Variants in RALGAPA2 observed in about 807,000 individuals in gnomAD.
RALGAPA2 encodes the protein Ral GTPase activating protein catalytic subunit alpha 2.
RALGAPA2 carries 139 observed loss-of-function variants against 230.4 expected under a neutral mutation model. The observed-to-expected ratio is 0.60, with a 90% CI of 0.53 to 0.69. The LOEUF (loss-of-function observed/expected upper bound fraction) is 0.69. Ranked by LOEUF, RALGAPA2 falls within the 30% of genes least tolerant of loss-of-function variation. The probability of loss-of-function intolerance (pLI) is 0.00; values close to 1 mark genes in which losing one functional copy is unlikely to be tolerated. For synonymous variants in RALGAPA2, 847 were observed against 837.8 expected, an observed-to-expected ratio of 1.01 and a Z score of -0.19; for missense variants, 2,163 against 2,276.0, an observed-to-expected ratio of 0.95 and a Z score of 1.01.
chr20:20,705,722 G>T (rs906519932), intron 1 of RALGAPA2, among the ~76,000 whole-genome samples: 1 of 152,116 alleles, frequency 6.6e-6, no homozygotes, highest in Non-Finnish European at 1.5e-5. Context: ...AGGCTGGAGT[G>T]CAGTGGTGCG....
intron 23 of RALGAPA2, among the ~76,000 whole-genome samples, chr20:20,554,416 T>C (rs182230711): frequency 4.6e-5 from 7 of 152,318 alleles, no homozygotes; most frequent in East Asian, 1.9e-4. Context: ...TTTTCATCAG[T>C]TGATGGGCAT....
In RALGAPA2 at chr20:20,650,478, G is replaced by C. The variant is rs546174409; in HGVS notation, c.328+3052C>G. ...TGCAGTGTGGGACAAGAAGCATACC[G>C]CATCAGTGGTGTATAACTACAACTT... On this transcript the variant is annotated intron_variant, in intron 4 of 39. Coordinates refer to ENST00000202677, the MANE Select transcript of RALGAPA2 (RefSeq NM_020343.4). Among the ~76,000 whole-genome samples, 5 of 152,262 alleles carry C rather than the reference G, an allele frequency of 3.3e-5. No homozygotes were observed. In the East Asian group the frequency reaches 9.6e-4, roughly 29 times the overall value.
At chr20:20,488,336 T>C (rs1365472773) in intron 36 of RALGAPA2, among the ~76,000 whole-genome samples, 1 of 152,192 alleles carries the variant, frequency 6.6e-6, no homozygotes, top group Non-Finnish European at 1.5e-5. Flanking sequence ...TGTGGAGGAT[T>C]GTCAGCCAGC....
intron 23 of RALGAPA2, among the ~76,000 whole-genome samples, chr20:20,568,709 C>T (rs1318092029): frequency 6.6e-6 from 1 of 152,150 alleles, no homozygotes; most frequent in Admixed American, 6.5e-5. Context: ...TAAGAAAGAA[C>T]TTCATGAAAC....
At chr20:20,413,057 C>T (rs557836165) in intron 37 of RALGAPA2, among the ~76,000 whole-genome samples, 1 of 152,322 alleles carries the variant, frequency 6.6e-6, no homozygotes, top group East Asian at 1.9e-4. Flanking sequence ...TTGGGGAAGT[C>T]CGCATGACGT....
At chr20:20,700,722 T>C (rs945162410) in intron 1 of RALGAPA2, among the ~76,000 whole-genome samples, 2 of 152,192 alleles carry the variant, frequency 1.3e-5, no homozygotes, top group Non-Finnish European at 2.9e-5. Context: ...TTCACAGAAA[T>C]AGTCCTTTCT....
intron 28 of RALGAPA2, among the ~76,000 whole-genome samples, chr20:20,525,468 G>A (rs1465321326): frequency 6.6e-6 from 1 of 152,212 alleles, no homozygotes; most frequent in African/African-American, 2.4e-5. Context: ...GTCTCTGAGA[G>A]AACAAAGTGT....
intron 19 of RALGAPA2, 104 bp from the exon 20 acceptor site, chr20:20,583,330 G>T: frequency 8.1e-7 from 1 of 1,238,474 alleles, no homozygotes; most frequent in Non-Finnish European, 1.1e-6. Flanking sequence ...AGACACAGTA[G>T]GAATCATTCA....
intron 37 of RALGAPA2, among the ~76,000 whole-genome samples, chr20:20,439,284 C>T (rs998799695): frequency 4.0e-5 from 6 of 151,848 alleles, no homozygotes; most frequent in Admixed American, 3.9e-4. Flanking sequence ...GTGATCTCAA[C>T]TCACTGCAGC....
intron 36 of RALGAPA2, among the ~76,000 whole-genome samples, chr20:20,482,947 C>T (rs1480624103): frequency 6.6e-6 from 1 of 152,220 alleles, no homozygotes; most frequent in Non-Finnish European, 1.5e-5. Flanking sequence ...CTTGCCTACT[C>T]CTGCTCATCT....
chr20:20,635,524 C>A lies in RALGAPA2; in HGVS notation c.899G>T (p.Arg300Leu), dbSNP rs190417833. The stretch of plus-strand genomic sequence containing the variant: ...TACAATCCACTTAATAAAAACAACA[C>A]GAGCTGCCATATATGGAATCTTTGT... ...YSTKIPYMAARVVFIKWIVTF... is the reference protein window; with the variant it reads ...YSTKIPYMAALVVFIKWIVTF... The change falls in exon 9 of 40, where the codon CGT (arginine) becomes CTT (leucine). Residue 300 changes from arginine to leucine, a missense_variant. By Grantham distance (102) the Arg-to-Leu change is moderately radical. Coordinates refer to ENST00000202677, the MANE Select transcript of RALGAPA2 (RefSeq NM_020343.4). 3.8e-6 allele frequency: 6 copies of A among 1,592,800 alleles called. No homozygotes were observed. The Admixed American group carries it at 5.4e-5, about 14-fold the overall frequency.
chr20:20,637,213 T>C, intron 8 of RALGAPA2, 150 bp downstream of exon 8: 1 of 635,008 alleles, frequency 1.6e-6, no homozygotes. Context: ...AAATCACTTA[T>C]TAAGAAACTT....
chr20:20,675,398 C>A (rs1434083472), intron 3 of RALGAPA2, among the ~76,000 whole-genome samples: 1 of 152,132 alleles, frequency 6.6e-6, no homozygotes, highest in African/African-American at 2.4e-5. Context: ...TGTAGGAGAT[C>A]TTTCCTACAG....
intron 10 of RALGAPA2, among the ~76,000 whole-genome samples, chr20:20,626,395 T>G (rs1463125228): frequency 6.6e-6 from 1 of 152,176 alleles, no homozygotes; most frequent in African/African-American, 2.4e-5. Context: ...TTAAGAAAAA[T>G]TATAAAATGT....
intron 38 of RALGAPA2, among the ~76,000 whole-genome samples, chr20:20,401,301 G>A (rs1008268984): frequency 1.3e-5 from 2 of 152,092 alleles, no homozygotes; most frequent in African/African-American, 4.8e-5. Flanking sequence ...GATTTTAGAA[G>A]AAAAATCCCC....
intron 1 of RALGAPA2, among the ~76,000 whole-genome samples, chr20:20,687,846 A>T (rs1177306182): frequency 6.6e-6 from 1 of 152,040 alleles, no homozygotes; most frequent in South Asian, 2.1e-4. Context: ...TTAAAGAAGG[A>T]AAAGCAGGAA....
intron 23 of RALGAPA2, among the ~76,000 whole-genome samples, chr20:20,555,585 TC>T (rs1377379840): frequency 6.6e-6 from 1 of 152,228 alleles, no homozygotes; most frequent in Non-Finnish European, 1.5e-5. Flanking sequence ...GTTTTTAAAG[TC>T]CTACAGCAAG....
At chr20:20,593,795 G>C in intron 16 of RALGAPA2, among the ~76,000 whole-genome samples, 1 of 152,120 alleles carries the variant, frequency 6.6e-6, no homozygotes, top group South Asian at 2.1e-4. Flanking sequence ...AAAGAACATC[G>C]CCATCTGGTG....
rs755363877 is a variant in RALGAPA2, at chr20:20,393,222, G to C, written c.*67C>G. 1.5e-6 allele frequency: 2 copies of C among 1,354,642 alleles called. No individual in the cohort carries two copies. The highest frequency in any genetic ancestry group is 2.3e-5 in the South Asian group (2 of 85,478). 83.9% of individuals were successfully genotyped at this position (1,354,642 alleles called of 1,614,324 possible). ...TCTCCTCCTCACTCAGGGGCTCTTC[G>C]AGGTCAGCACTCAGACTGGAGGCCA... On this transcript the variant is annotated 3_prime_UTR_variant, in exon 40 of 40. Coordinates refer to ENST00000202677, the MANE Select transcript of RALGAPA2 (RefSeq NM_020343.4).
Sources: gnomAD v4.1 joint callset for allele counts (sites outside exome capture counted in the v4.1 genomes callset) on GRCh38, gnomAD v4.1.1 for gene constraint, MANE v1.5 for transcripts, NCBI Gene and HGNC (gene_info 2026-07-23, HGNC 2026-07-21) for gene names.